Variants in CHD2 observed in about 807,000 individuals in gnomAD.
CHD2 encodes the protein ATP-dependent chromatin remodeler CHD2.
A neutral mutation model predicts 243.9 loss-of-function variants in CHD2; 28 were observed. That is an observed-to-expected ratio of 0.11 (90% CI 0.09 to 0.16). The LOEUF (loss-of-function observed/expected upper bound fraction) is 0.16, where lower values mean the gene tolerates loss of function less well. Ranked by LOEUF, CHD2 falls within the 10% of genes least tolerant of loss-of-function variation. The pLI is 1.00. For synonymous variants in CHD2, 775 were observed against 779.0 expected, an observed-to-expected ratio of 0.99 and a Z score of 0.09; for missense variants, 1,386 against 2,209.8, an observed-to-expected ratio of 0.63 and a Z score of 7.47.
Position 93,024,869 on chromosome 15 carries a change from C to A in CHD2, c.*164C>A. 1.6e-6 allele frequency: 1 copy of A among 638,870 alleles called. No individual in the cohort carries two copies. Among genetic ancestry groups the A allele is most frequent in the Non-Finnish European group, 2.7e-6 (1 of 375,730 alleles). The allele number at this position is 638,870 out of a possible 1,614,324, so 39.6% of individuals were successfully genotyped here. ...ACTTCAAGGAATGGGAGGCCTTTCA[C>A]TGGGTCCAGCTCTGATTCGGGTCAC... is the stretch of plus-strand genomic sequence containing the variant. On this transcript the variant is annotated 3_prime_UTR_variant, in exon 39 of 39. Coordinates refer to ENST00000394196, the MANE Select transcript of CHD2 (RefSeq NM_001271.4).
intron 7 of CHD2, among the ~76,000 whole-genome samples, chr15:92,940,781 T>TA (rs1196016718): frequency 3.6e-5 from 5 of 138,160 alleles, no homozygotes; most frequent in East Asian, 2.0e-4. Flanking sequence ...ATAAAAAATA[T>TA]AAAAAATATA....
At chr15:93,021,296 A>G (rs1161216738) in intron 38 of CHD2, 1 of 152,084 alleles carries the variant, frequency 6.6e-6, no homozygotes, top group South Asian at 2.1e-4. Context: ...TCCTCTTTAC[A>G]TAATGTTCCT....
At chr15:92,949,246 A>C in intron 13 of CHD2, 170 bp downstream of exon 13, 1 of 1,430,536 alleles carries the variant, frequency 7.0e-7, no homozygotes, top group Non-Finnish European at 9.1e-7. Context: ...GCTTCCTGGG[A>C]GTTTTTATGT....
Position 92,981,619 on chromosome 15 carries a change from A to C in CHD2, c.3066+162A>C, listed in dbSNP as rs145888636. ...TGAATTGTGAGTATGTTGTGAATGT[A>C]GGTTCTACAGTCCGCACGAAGGTAA... On this transcript the variant is annotated intron_variant, in intron 24 of 38. Transcript: ENST00000394196. 2.1e-3 allele frequency among the ~76,000 whole-genome samples: 321 copies of C among 152,330 alleles called. 3 individuals are homozygous for C. Among genetic ancestry groups the C allele is most frequent in the African/African-American group, 6.4e-3 (265 of 41,574 alleles).
intron 36 of CHD2, among the ~76,000 whole-genome samples, chr15:93,013,534 A>G (rs1436569735): frequency 2.6e-5 from 4 of 152,260 alleles, no homozygotes; most frequent in Non-Finnish European, 2.9e-5. Flanking sequence ...AGATTTATTA[A>G]AAGACTAAAG....
intron 26 of CHD2, among the ~76,000 whole-genome samples, chr15:92,988,773 C>T (rs1258502112): frequency 5.9e-5 from 9 of 151,594 alleles, no homozygotes; most frequent in Non-Finnish European, 2.9e-5. Flanking sequence ...TTTTCATTTC[C>T]GTTATTGTAG....
chr15:92,996,922 T>C, intron 28 of CHD2, 35 bp from the exon 29 acceptor site: 1 of 1,584,954 alleles, frequency 6.3e-7, no homozygotes. Flanking sequence ...TTCTGCAGAT[T>C]TTCATTTAAC....
chr15:92,961,319 GTCTT>G (rs1210038930), intron 16 of CHD2, among the ~76,000 whole-genome samples: 2 of 152,064 alleles, frequency 1.3e-5, no homozygotes, highest in East Asian at 1.9e-4. Flanking sequence ...GTTAATTTGT[GTCTT>G]TCTAAGAGTT....
At chr15:92,912,769 CG>C (rs1267025987) in intron 2 of CHD2, among the ~76,000 whole-genome samples, 1 of 151,574 alleles carries the variant, frequency 6.6e-6, no homozygotes, top group Non-Finnish European at 1.5e-5. Flanking sequence ...CTCCTGACCT[CG>C]TGATCCGCCA....
chr15:92,934,091 G>A (rs574268098), intron 5 of CHD2, among the ~76,000 whole-genome samples: 1 of 152,236 alleles, frequency 6.6e-6, no homozygotes, highest in East Asian at 1.9e-4. Context: ...TCTTCTAAGT[G>A]GAGGAAAAAG....
chr15:92,944,372 G>T (rs773815392), intron 9 of CHD2, 43 bp from the exon 10 acceptor site: 1 of 1,170,574 alleles, frequency 8.5e-7, no homozygotes, highest in Non-Finnish European at 1.3e-6. Flanking sequence ...TGGATCCCCA[G>T]ACTTTAGTTT....
Position 92,945,891 on chromosome 15 carries a change from T to C in CHD2, c.1198+26T>C, listed in dbSNP as rs958967547. ...GTAAGCAAGAAATTTTATTTATAAA[T>C]GTTCTTCAACATTTCAGAACAGTGT... On this transcript the variant is annotated intron_variant, in intron 11 of 38. Transcript: ENST00000394196. The C allele has an allele frequency of 7.1e-6, 11 of 1,555,382 alleles. No homozygotes were observed. The African/African-American group carries it at 8.2e-5, about 12-fold the overall frequency.
chr15:92,929,932 A>G (rs550476768), intron 5 of CHD2, among the ~76,000 whole-genome samples: 1 of 152,312 alleles, frequency 6.6e-6, no homozygotes, highest in South Asian at 2.1e-4. Flanking sequence ...AAAAAAAAAA[A>G]TAATACCATC....
chr15:92,955,960 C>G (rs1382693050), intron 15 of CHD2, among the ~76,000 whole-genome samples: 1 of 152,134 alleles, frequency 6.6e-6, no homozygotes. Flanking sequence ...TGTGAATGGT[C>G]TTTGTGAGGA....
intron 2 of CHD2, among the ~76,000 whole-genome samples, chr15:92,923,620 C>CA (rs972902995): frequency 1.9e-4 from 27 of 143,546 alleles, no homozygotes; most frequent in African/African-American, 7.0e-4. Flanking sequence ...GGCTGGAGTG[C>CA]AGTGGCGTGA....
chr15:92,916,667 C>G (rs1214195928), intron 2 of CHD2, among the ~76,000 whole-genome samples: 1 of 152,206 alleles, frequency 6.6e-6, no homozygotes, highest in Non-Finnish European at 1.5e-5. Context: ...GATTCTCCTA[C>G]CTTGGCCTCC....
intron 2 of CHD2, among the ~76,000 whole-genome samples, chr15:92,916,496 A>G (rs1258856146): frequency 2.6e-5 from 4 of 152,234 alleles, no homozygotes; most frequent in Non-Finnish European, 5.9e-5. Flanking sequence ...GCCTCGTCCT[A>G]TACAAGTTTG....
intron 25 of CHD2, among the ~76,000 whole-genome samples, chr15:92,985,114 T>A (rs535932728): frequency 7.2e-5 from 11 of 152,344 alleles, no homozygotes; most frequent in Admixed American, 5.2e-4. Context: ...TAGGCATACT[T>A]CTAAGTGCTT....
intron 24 of CHD2, 92 bp downstream of exon 24, chr15:92,981,549 CT>C (rs2053980524): frequency 2.2e-6 from 2 of 925,422 alleles, no homozygotes; most frequent in Non-Finnish European, 3.3e-6. Context: ...AGGCGCTCTG[CT>C]TTTCTCTTTA....
Sources: allele counts gnomAD v4.1 joint callset (sites outside exome capture counted in the v4.1 genomes callset), GRCh38; gene constraint gnomAD v4.1.1; transcripts MANE v1.5; gene names NCBI Gene and HGNC (gene_info 2026-07-23, HGNC 2026-07-21).